The following MYO18A variants were observed in gnomAD, a reference collection of about 807,000 sequenced individuals.
MYO18A encodes the protein myosin XVIIIA.
In MYO18A, 78 loss-of-function variants were observed where a neutral mutation model predicts 235.8. That is an observed-to-expected ratio of 0.33 (90% CI 0.28 to 0.40). MYO18A has a LOEUF of 0.40. Among genes scored for constraint, MYO18A ranks in the 10% least tolerant of loss-of-function variants. The probability of loss-of-function intolerance (pLI) is 1.00; values close to 1 mark genes in which losing one functional copy is unlikely to be tolerated. For synonymous variants in MYO18A, 977 were observed against 1,077.8 expected, an observed-to-expected ratio of 0.91 and a Z score of 1.83; for missense variants, 2,215 against 2,699.3, an observed-to-expected ratio of 0.82 and a Z score of 3.98.
intron 1 of MYO18A, among the ~76,000 whole-genome samples, chr17:29,173,440 T>C (rs2152988742): frequency 7.3e-6 from 1 of 136,228 alleles, no homozygotes; most frequent in South Asian, 2.3e-4. Context: ...CAGGCCAGAG[T>C]GCAGTGGCAC....
chr17:29,100,119 C>T (rs187021), intron 21 of MYO18A, among the ~76,000 whole-genome samples: 2 of 152,234 alleles, frequency 1.3e-5, no homozygotes, highest in South Asian at 2.1e-4. Context: ...GTGAGGGCTT[C>T]CTCACCCAGG....
chr17:29,170,453 G>A lies in MYO18A; in HGVS notation c.-81-3432C>T, dbSNP rs1047420783. Among the ~76,000 whole-genome samples the A allele has an allele frequency of 5.9e-5, 9 of 152,126 alleles. No individual in the cohort carries two copies. The South Asian group carries it at 8.3e-4, about 14-fold the overall frequency. ...CCTTCTTGTAGACCTTGCACTTTCC[G>A]GCACCTCCTGGCCTCAGGTCCAAAG... is the stretch of plus-strand genomic sequence containing the variant. On this transcript the variant is annotated intron_variant, in intron 1 of 41. Coordinates refer to ENST00000527372, the MANE Select transcript of MYO18A (RefSeq NM_078471.4).
In MYO18A at chr17:29,074,049, T is replaced by C. The variant is rs769243462; in HGVS notation, c.*721A>G. ...GGTGCGGATGGTCCACACACACACTTGTCTGCGTAGGCTTGCTCAACCCAG... is the reference window on the plus strand; with the variant it reads ...GGTGCGGATGGTCCACACACACACTCGTCTGCGTAGGCTTGCTCAACCCAG... On this transcript the variant is annotated 3_prime_UTR_variant, in exon 42 of 42. Coordinates refer to ENST00000527372, the MANE Select transcript of MYO18A (RefSeq NM_078471.4). The surrounding 1 kb of genome is among the most constrained non-coding windows in gnomAD (Gnocchi z 4.4). 8.1e-6 allele frequency: 13 copies of C among 1,613,984 alleles called. No homozygotes were observed. The highest frequency in any genetic ancestry group is 1.1e-5 in the South Asian group (1 of 91,078).
intron 40 of MYO18A, 86 bp downstream of exon 40, chr17:29,085,518 G>T: frequency 8.2e-7 from 1 of 1,223,758 alleles, no homozygotes; most frequent in Non-Finnish European, 1.2e-6. Flanking sequence ...CATGCTGCGT[G>T]CAGCGGCCCC....
chr17:29,173,951 T>A (rs2152989617), intron 1 of MYO18A, among the ~76,000 whole-genome samples: 1 of 152,114 alleles, frequency 6.6e-6, no homozygotes, highest in Non-Finnish European at 1.5e-5. Context: ...TTTTAAAAAT[T>A]GTTTTAGAGA....
rs778384487 is a variant in MYO18A, at chr17:29,094,627, C to G, written c.4710+23G>C. On this transcript the variant is annotated intron_variant, in intron 30 of 41. Transcript: ENST00000527372. ...GGCGGCCTCGCTGCACCTCACCTCT[C>G]CCTTGGCCAAGCCCTCCTGTACCTG... 10 of 1,613,638 alleles carry G rather than the reference C, an allele frequency of 6.2e-6. No homozygotes were observed. The East Asian group carries it at 2.2e-4, about 36-fold the overall frequency.
intron 2 of MYO18A, among the ~76,000 whole-genome samples, chr17:29,142,675 C>T (rs759007044): frequency 1.3e-5 from 2 of 152,170 alleles, no homozygotes; most frequent in African/African-American, 2.4e-5. Flanking sequence ...CTGAGAAGCA[C>T]GGCTTGAAAG....
In MYO18A at chr17:29,126,283, T is replaced by A. The variant is rs923638; in HGVS notation, c.1000-4030A>T. 0.48 allele frequency among the ~76,000 whole-genome samples: 71,230 copies of A among 149,638 alleles called. 17,183 individuals carry two copies. Among genetic ancestry groups the A allele is most frequent in the East Asian group, 0.85 (4,340 of 5,084 alleles). On this transcript the variant is annotated intron_variant, in intron 2 of 41. Coordinates refer to ENST00000527372, the MANE Select transcript of MYO18A (RefSeq NM_078471.4). This position sits in a 1 kb window ranked among gnomAD's most constrained non-coding sequence, Gnocchi z 4.1. The stretch of plus-strand genomic sequence containing the variant: ...AGGTCAGGGCATGTCTCAGCTCCCA[T>A]CTCCTCCCTTGTGAGAGGAGGAGGG...
intron 2 of MYO18A, among the ~76,000 whole-genome samples, chr17:29,164,891 A>G (rs1196741196): frequency 6.6e-6 from 1 of 152,210 alleles, no homozygotes; most frequent in Non-Finnish European, 1.5e-5. Flanking sequence ...CAGTCAGGAC[A>G]TACTATCTGT....
intron 1 of MYO18A, among the ~76,000 whole-genome samples, chr17:29,167,602 A>G (rs1382659292): frequency 6.6e-6 from 1 of 152,084 alleles, no homozygotes; most frequent in Non-Finnish European, 1.5e-5. Flanking sequence ...ATTCCTAGCT[A>G]CTTGGGAATT....
rs1004534093 is a variant in MYO18A at position 29,117,261 on chromosome 17, G to C, written c.2038+784C>G. ...GCAGAGCTCCTCCAAGCCAGGCCAA[G>C]TCCCCGAGCGCAAGTGCCAAAGCTG... On this transcript the variant is annotated intron_variant, in intron 10 of 41. Transcript: ENST00000527372. This position sits in a 1 kb window ranked among gnomAD's most constrained non-coding sequence, Gnocchi z 4.6. Among the ~76,000 whole-genome samples the C allele has an allele frequency of 5.9e-5, 9 of 152,186 alleles. No individual in the cohort carries two copies. Among genetic ancestry groups the C allele is most frequent in the Admixed American group, 2.0e-4 (3 of 15,282 alleles).
chr17:29,099,030 C>A, intron 22 of MYO18A, 61 bp from the exon 23 acceptor site: 4 of 1,596,302 alleles, frequency 2.5e-6, no homozygotes, highest in Non-Finnish European at 3.4e-6. Context: ...CAAGCTCGGC[C>A]CAGGATCCTC....
rs563274573 is a variant in MYO18A, at chr17:29,117,318, C to T, written c.2038+727G>A. ...ATTCGTTACCACGGTGCCTGCTGCC[C>T]CCTAGTGGCCGCCACCCTGACATGC... is the stretch of plus-strand genomic sequence containing the variant. On this transcript the variant is annotated intron_variant, in intron 10 of 41. Transcript: ENST00000527372. The surrounding 1 kb of genome is among the most constrained non-coding windows in gnomAD (Gnocchi z 4.6). Among the ~76,000 whole-genome samples the T allele has an allele frequency of 1.3e-4, 20 of 152,308 alleles. No homozygotes were observed. The highest frequency in any genetic ancestry group is 4.6e-4 in the African/African-American group (19 of 41,562).
chr17:29,112,801 T>C (rs2066964327), intron 15 of MYO18A, among the ~76,000 whole-genome samples: 1 of 152,138 alleles, frequency 6.6e-6, no homozygotes, highest in Non-Finnish European at 1.5e-5. Context: ...TGCCTGCATC[T>C]CCTCCCCGCA....
rs76405065 is a variant in MYO18A at position 29,122,837 on chromosome 17, G to C, written c.1000-584C>G. On this transcript the variant is annotated intron_variant, in intron 2 of 41. Coordinates refer to ENST00000527372, the MANE Select transcript of MYO18A (RefSeq NM_078471.4). ...CTCAGCCCTGGCCCTCCCCTCCAGA[G>C]GGTGCTCTACCCGGACCGGGGGACA... Among the ~76,000 whole-genome samples the C allele has an allele frequency of 4.5e-3, 688 of 152,336 alleles. 51 individuals are homozygous for C. In the East Asian group the frequency reaches 0.11, roughly 24 times the overall value.
rs1004768309 is a variant in MYO18A at position 29,120,027 on chromosome 17, T to C, written c.1728+589A>G. On this transcript the variant is annotated intron_variant, in intron 7 of 41. Transcript: ENST00000527372. This position sits in a 1 kb window ranked among gnomAD's most constrained non-coding sequence, Gnocchi z 4.2. ...AGTAGCTGGGACCACAGGCGTGCAC[T>C]ACCACATCTGGCTCAATTAAGCAGG... is the stretch of plus-strand genomic sequence containing the variant. 7.2e-5 allele frequency among the ~76,000 whole-genome samples: 11 copies of C among 152,182 alleles called. No homozygotes were observed. Among genetic ancestry groups the C allele is most frequent in the Non-Finnish European group, 1.3e-4 (9 of 68,036 alleles).
At chr17:29,128,210 G>A (rs1004690823) in intron 2 of MYO18A, 2 of 1,154,706 alleles carry the variant, frequency 1.7e-6, no homozygotes, top group African/African-American at 1.7e-5. Context: ...GGGAGGGGGT[G>A]GCGGCTTGGG....
At chr17:29,139,099 GCC>G (rs2067673799) in intron 2 of MYO18A, among the ~76,000 whole-genome samples, 1 of 152,194 alleles carries the variant, frequency 6.6e-6, no homozygotes, top group Admixed American at 6.5e-5. Context: ...GCCCTCCCCA[GCC>G]CCAGGGCGGA....
chr17:29,081,757 ATGAC>A (rs1445115854), intron 41 of MYO18A, among the ~76,000 whole-genome samples: 5 of 152,142 alleles, frequency 3.3e-5, no homozygotes, highest in Non-Finnish European at 1.5e-5. Context: ...TCAGAGGACT[ATGAC>A]TGGCTAGAAA....
Sources: gnomAD v4.1 joint callset for allele counts (sites outside exome capture counted in the v4.1 genomes callset) on GRCh38, gnomAD v4.1.1 for gene constraint, Gnocchi (gnomAD v3.1) non-coding constraint, MANE v1.5 for transcripts, NCBI Gene and HGNC (gene_info 2026-07-23, HGNC 2026-07-21) for gene names.